AGAP1: variants seen among roughly 807,000 people sequenced by gnomAD.
AGAP1 encodes ArfGAP with GTPase domain, ankyrin repeat and PH domain 1.
AGAP1 carries 29 observed loss-of-function variants against 105.3 expected under a neutral mutation model. That is an observed-to-expected ratio of 0.28 (90% CI 0.21 to 0.38). The LOEUF is 0.38. Ranked by LOEUF, AGAP1 falls within the 10% of genes least tolerant of loss-of-function variation. The probability of loss-of-function intolerance (pLI) is 1.00; values close to 1 mark genes in which losing one functional copy is unlikely to be tolerated. For synonymous variants in AGAP1, 509 were observed against 485.9 expected, an observed-to-expected ratio of 1.05 and a Z score of -0.63; for missense variants, 998 against 1,165.1, an observed-to-expected ratio of 0.86 and a Z score of 2.09.
In AGAP1 at chr2:235,865,335, C is replaced by T. The variant is rs565866994; in HGVS notation, c.1051-18010C>T. 6.2e-4 allele frequency among the ~76,000 whole-genome samples: 94 copies of T among 152,250 alleles called. No individual in the cohort carries two copies. Among genetic ancestry groups the T allele is most frequent in the African/African-American group, 1.7e-3 (70 of 41,536 alleles). ...CGCGGCTAATGACAGGAAGGTCGCG[C>T]GGGTGAGCTGACCTGTGTGTGGCGC... On this transcript the variant is annotated intron_variant, in intron 9 of 17. Transcript: ENST00000304032. The surrounding 1 kb of genome is among the most constrained non-coding windows in gnomAD (Gnocchi z 6.2).
chr2:235,604,634 G>A (rs1468967346), intron 1 of AGAP1, among the ~76,000 whole-genome samples: 1 of 124,796 alleles, frequency 8.0e-6, no homozygotes, highest in African/African-American at 3.2e-5. Flanking sequence ...CCAGGCTGGA[G>A]TGCAGTGGCA....
chr2:235,668,351 G>T (rs775283513), intron 1 of AGAP1, among the ~76,000 whole-genome samples: 4 of 152,066 alleles, frequency 2.6e-5, no homozygotes, highest in Non-Finnish European at 5.9e-5. Flanking sequence ...TTCCAGTGTC[G>T]TGAACACAAT....
chr2:235,687,899 C>CTTTTTTTTT (rs10670064), intron 1 of AGAP1, among the ~76,000 whole-genome samples: 6 of 89,646 alleles, frequency 6.7e-5, no homozygotes, highest in African/African-American at 8.8e-5. Flanking sequence ...CGCTCTCTGA[C>CTTTTTTTTT]TTTTTTTTTT....
chr2:235,826,047 T>C (rs1164977954), intron 9 of AGAP1, among the ~76,000 whole-genome samples: 2 of 152,166 alleles, frequency 1.3e-5, no homozygotes, highest in African/African-American at 4.8e-5. Flanking sequence ...CAATTGTTGC[T>C]GCACCCAGCG....
At position 235,769,402 on chromosome 2, in the gene AGAP1, T is replaced by C. The variant is rs867768926; in HGVS notation, c.673+18914T>C. Among the ~76,000 whole-genome samples the C allele has an allele frequency of 2.0e-5, 3 of 152,360 alleles. No homozygotes were observed. The highest frequency in any genetic ancestry group is 6.5e-5 in the Admixed American group (1 of 15,300). ...TGGTCTTCACTCTTTTGCAGAAAAT[T>C]GTTGGCATTGCATCATTGGCTTATG... On this transcript the variant is annotated intron_variant, in intron 6 of 17. Transcript: ENST00000304032. This position sits in a 1 kb window ranked among gnomAD's most constrained non-coding sequence, Gnocchi z 4.4.
At position 235,574,229 on chromosome 2, in the gene AGAP1, G is replaced by C. The variant is rs986652370; in HGVS notation, c.163+79380G>C. Among the ~76,000 whole-genome samples, 24 of 151,962 alleles carry C rather than the reference G, an allele frequency of 1.6e-4. No homozygotes were observed. Among genetic ancestry groups the C allele is most frequent in the Middle Eastern group, 3.2e-3 (1 of 316 alleles). ...TGGACGGACTCTTTCAGGTTGTTTG[G>C]ATAATCATCCTAAAAACGCCTCTGA... On this transcript the variant is annotated intron_variant, in intron 1 of 17. Coordinates refer to ENST00000304032, the MANE Select transcript of AGAP1 (RefSeq NM_001037131.3). This position sits in a 1 kb window ranked among gnomAD's most constrained non-coding sequence, Gnocchi z 5.0.
At chr2:235,790,945 G>A (rs1471526460) in intron 6 of AGAP1, among the ~76,000 whole-genome samples, 1 of 152,202 alleles carries the variant, frequency 6.6e-6, no homozygotes, top group African/African-American at 2.4e-5. Flanking sequence ...TATGCCATGG[G>A]TCCCATGGTT....
Position 236,083,110 on chromosome 2 carries a change from A to G in AGAP1, c.2114+33829A>G, listed in dbSNP as rs1987066. The stretch of plus-strand genomic sequence containing the variant: ...GCATAGGTTGCAGTGAGCCGAGATC[A>G]CGCCATTGCACTCCAGCCTAGGCAA... On this transcript the variant is annotated intron_variant, in intron 16 of 17. Coordinates refer to ENST00000304032, the MANE Select transcript of AGAP1 (RefSeq NM_001037131.3). The surrounding 1 kb of genome is among the most constrained non-coding windows in gnomAD (Gnocchi z 5.3). 0.88 allele frequency among the ~76,000 whole-genome samples: 133,114 copies of G among 152,100 alleles called. 58,550 individuals carry two copies. Among genetic ancestry groups the G allele is most frequent in the East Asian group, 0.96 (4,968 of 5,152 alleles).
intron 1 of AGAP1, among the ~76,000 whole-genome samples, chr2:235,495,817 T>A (rs1473415422): frequency 6.6e-6 from 1 of 152,242 alleles, no homozygotes; most frequent in Non-Finnish European, 1.5e-5. Context: ...TGGAGTCATA[T>A]CTTAGCCACA....
At chr2:235,917,095 T>A (rs1050557111) in intron 11 of AGAP1, among the ~76,000 whole-genome samples, 4 of 152,208 alleles carry the variant, frequency 2.6e-5, no homozygotes, top group Non-Finnish European at 5.9e-5. Flanking sequence ...CAACTATGGA[T>A]ATGTTTTTAT....
chr2:235,633,846 GGAT>G lies in AGAP1; in HGVS notation c.164-75330_164-75328del, dbSNP rs893579419. 2.6e-5 allele frequency among the ~76,000 whole-genome samples: 4 copies of G among 152,172 alleles called. No homozygotes were observed. In the East Asian group the frequency reaches 7.7e-4, roughly 29 times the overall value. ...TTTTGGTTTCTATGACCTGTCTTAG[GGAT>G]GAAGAATTCTAGTTCCTGTGGCTCA... On this transcript the variant is annotated intron_variant, in intron 1 of 17. Coordinates refer to ENST00000304032, the MANE Select transcript of AGAP1 (RefSeq NM_001037131.3). This position sits in a 1 kb window ranked among gnomAD's most constrained non-coding sequence, Gnocchi z 4.8.
rs1166580228 is a variant in AGAP1, at chr2:235,623,605, G to T, written c.164-85574G>T. ...GCTGAAGCTGTGGGCCATTGAGCCA[G>T]CCTGGAGATGCATGGTAGGTTAGGG... On this transcript the variant is annotated intron_variant, in intron 1 of 17. Transcript: ENST00000304032. This position sits in a 1 kb window ranked among gnomAD's most constrained non-coding sequence, Gnocchi z 4.5. 1.3e-5 allele frequency among the ~76,000 whole-genome samples: 2 copies of T among 152,170 alleles called. No homozygotes were observed. The highest frequency in any genetic ancestry group is 2.4e-5 in the African/African-American group (1 of 41,444).
In AGAP1 at chr2:236,053,422, G is replaced by A. The variant is rs567471716; in HGVS notation, c.2114+4141G>A. ...AAGCCGTCTCAGTAAACCCGTCCAC[G>A]CACATCCTCTCTCCCTCGCGGTACA... On this transcript the variant is annotated intron_variant, in intron 16 of 17. Coordinates refer to ENST00000304032, the MANE Select transcript of AGAP1 (RefSeq NM_001037131.3). This position sits in a 1 kb window ranked among gnomAD's most constrained non-coding sequence, Gnocchi z 4.6. Among the ~76,000 whole-genome samples the A allele has an allele frequency of 7.8e-4, 119 of 152,188 alleles. No individual in the cohort carries two copies. The highest frequency in any genetic ancestry group is 1.4e-3 in the Non-Finnish European group (94 of 68,040).
Position 235,725,073 on chromosome 2 carries a change from G to A in AGAP1, c.310+7429G>A, listed in dbSNP as rs1226951737. On this transcript the variant is annotated intron_variant, in intron 3 of 17. Coordinates refer to ENST00000304032, the MANE Select transcript of AGAP1 (RefSeq NM_001037131.3). This position sits in a 1 kb window ranked among gnomAD's most constrained non-coding sequence, Gnocchi z 5.7. ...AGGGTTCTGGGATTTTCCACTGTGT[G>A]TTTGGTTTCTGTTGCTTGTTCCAAG... Among the ~76,000 whole-genome samples the A allele has an allele frequency of 6.6e-6, 1 of 152,162 alleles. No homozygotes were observed. Among genetic ancestry groups the A allele is most frequent in the Non-Finnish European group, 1.5e-5 (1 of 68,028 alleles).
chr2:235,612,803 T>C lies in AGAP1; in HGVS notation c.164-96376T>C, dbSNP rs1182845761. Among the ~76,000 whole-genome samples, 7 of 152,074 alleles carry C rather than the reference T, an allele frequency of 4.6e-5. No homozygotes were observed. The highest frequency in any genetic ancestry group is 8.8e-5 in the Non-Finnish European group (6 of 68,020). Reference sequence around the variant, plus strand: ...GCTTCCAGGTTGGCCTGCCAGCCGATGTTGTGATCTTGTGGAGGGAATGAC... The same window carrying C: ...GCTTCCAGGTTGGCCTGCCAGCCGACGTTGTGATCTTGTGGAGGGAATGAC... On this transcript the variant is annotated intron_variant, in intron 1 of 17. Coordinates refer to ENST00000304032, the MANE Select transcript of AGAP1 (RefSeq NM_001037131.3). This position sits in a 1 kb window ranked among gnomAD's most constrained non-coding sequence, Gnocchi z 4.3.
chr2:235,844,649 C>T (rs868245817), intron 9 of AGAP1, among the ~76,000 whole-genome samples: 2 of 152,266 alleles, frequency 1.3e-5, no homozygotes, highest in Middle Eastern at 6.8e-3. Flanking sequence ...ATGTCTGCCT[C>T]CCTGTCCCAG....
rs536255753 is a variant in AGAP1, at chr2:235,739,465, C to T, written c.311-1498C>T. Among the ~76,000 whole-genome samples, 29 of 152,356 alleles carry T rather than the reference C, an allele frequency of 1.9e-4. No individual in the cohort carries two copies. Among genetic ancestry groups the T allele is most frequent in the Non-Finnish European group, 3.7e-4 (25 of 68,036 alleles). ...CTGGCCTGGATGTGTCCCCTGCTAA[C>T]GGGCCTCAGCCTGACCATTTCCAGT... On this transcript the variant is annotated intron_variant, in intron 3 of 17. Transcript: ENST00000304032. The surrounding 1 kb of genome is among the most constrained non-coding windows in gnomAD (Gnocchi z 5.3).
chr2:235,888,934 G>A lies in AGAP1; in HGVS notation c.1155+5485G>A, dbSNP rs2050396315. Among the ~76,000 whole-genome samples, 1 of 152,072 alleles carries A rather than the reference G, an allele frequency of 6.6e-6. No individual in the cohort carries two copies. Among genetic ancestry groups the A allele is most frequent in the Admixed American group, 6.6e-5 (1 of 15,262 alleles). On this transcript the variant is annotated intron_variant, in intron 10 of 17. Coordinates refer to ENST00000304032, the MANE Select transcript of AGAP1 (RefSeq NM_001037131.3). The surrounding 1 kb of genome is among the most constrained non-coding windows in gnomAD (Gnocchi z 4.8). ...AGGAGACTGACCATTTCCTAACCTT[G>A]CCAAAAACTCTGGGTGAGGGTTTTT... is the stretch of plus-strand genomic sequence containing the variant.
chr2:235,850,476 C>T (rs1025343077), intron 9 of AGAP1, among the ~76,000 whole-genome samples: 1 of 152,174 alleles, frequency 6.6e-6, no homozygotes, highest in African/African-American at 2.4e-5. Flanking sequence ...GGACATCAGC[C>T]GGCTGGCTCT....
Sources: allele counts gnomAD v4.1 joint callset (sites outside exome capture counted in the v4.1 genomes callset), GRCh38; gene constraint gnomAD v4.1.1; non-coding constraint Gnocchi (gnomAD v3.1); transcripts MANE v1.5; gene names NCBI Gene and HGNC (gene_info 2026-07-23, HGNC 2026-07-21).